Variants in SOX5 observed in about 807,000 individuals in gnomAD.
SOX5 encodes SRY-box transcription factor 5, also known as transcription factor SOX-5.
Under a neutral mutation model 92.0 loss-of-function variants are expected in SOX5, and 9 were observed. That is an observed-to-expected ratio of 0.10 (90% confidence interval 0.06 to 0.17). The LOEUF (loss-of-function observed/expected upper bound fraction) is 0.17. Ranked by LOEUF, SOX5 falls within the 10% of genes least tolerant of loss-of-function variation. SOX5 has a pLI of 1.00. For synonymous variants in SOX5, 344 were observed against 336.3 expected (o/e 1.02, Z -0.25); for missense variants, 642 against 944.5 (o/e 0.68, Z 4.20).
intron 6 of SOX5, among the ~76,000 whole-genome samples, chr12:23,723,604 TCA>T (rs1225711814): frequency 7.2e-6 from 1 of 139,732 alleles, no homozygotes; most frequent in Non-Finnish European, 1.6e-5. Context: ...ACACACGCAC[TCA>T]CACACACACA....
intron 1 of SOX5, among the ~76,000 whole-genome samples, chr12:24,545,342 C>A (rs1952522678): frequency 1.3e-5 from 2 of 152,132 alleles, no homozygotes; most frequent in African/African-American, 4.8e-5. Flanking sequence ...ATTTTCACAA[C>A]AGGAAGAAGT....
chr12:23,788,913 T>C (rs771057810), intron 3 of SOX5, among the ~76,000 whole-genome samples: 2 of 151,984 alleles, frequency 1.3e-5, no homozygotes, highest in Non-Finnish European at 2.9e-5. Flanking sequence ...CTGTGTTTAT[T>C]ATAGCTGAAG....
At chr12:24,313,654 C>T (rs991947045) in intron 2 of SOX5, among the ~76,000 whole-genome samples, 4 of 152,216 alleles carry the variant, frequency 2.6e-5, no homozygotes, top group African/African-American at 9.6e-5. Context: ...CTACTTTGTG[C>T]GTATTTCCAC....
chr12:23,847,953 A>G (rs1164169320), intron 2 of SOX5, among the ~76,000 whole-genome samples: 2 of 152,168 alleles, frequency 1.3e-5, no homozygotes, highest in Non-Finnish European at 2.9e-5. Flanking sequence ...AGAGCCCTAA[A>G]AAGAGCAATC....
chr12:24,010,206 A>G (rs1952755126), intron 4 of SOX5, among the ~76,000 whole-genome samples: 1 of 152,230 alleles, frequency 6.6e-6, no homozygotes, highest in African/African-American at 2.4e-5. Context: ...GAGTCAAGAT[A>G]AGCTTATTAA....
chr12:23,836,485 G>A (rs1293101836), intron 3 of SOX5, among the ~76,000 whole-genome samples: 1 of 151,906 alleles, frequency 6.6e-6, no homozygotes, highest in East Asian at 1.9e-4. Context: ...TTGAAAAATA[G>A]GCTGGCTAAA....
intron 6 of SOX5, among the ~76,000 whole-genome samples, chr12:23,683,500 T>G (rs1027741122): frequency 1.3e-5 from 2 of 151,870 alleles, no homozygotes; most frequent in Non-Finnish European, 2.9e-5. Flanking sequence ...TTTATTAATC[T>G]AAAACATGAT....
intron 2 of SOX5, among the ~76,000 whole-genome samples, chr12:24,308,826 G>A (rs1948879592): frequency 1.3e-5 from 2 of 152,184 alleles, no homozygotes; most frequent in Admixed American, 1.3e-4. Flanking sequence ...ATGGAAAATT[G>A]AGCATTGAGT....
At position 24,180,912 on chromosome 12, in the gene SOX5, A is replaced by G. The variant is rs188175841; in HGVS notation, c.-2+32431T>C. ...TCAACTCACCCATGGCTCACACAGGAGATGTGAATTTGTAGTTGAATTCGT... is the reference window on the plus strand; with the variant it reads ...TCAACTCACCCATGGCTCACACAGGGGATGTGAATTTGTAGTTGAATTCGT... On this transcript the variant is annotated intron_variant, in intron 4 of 4. Transcript: ENST00000446891. Among the ~76,000 whole-genome samples, 3 of 152,316 alleles carry G rather than the reference A, an allele frequency of 2.0e-5. No individual in the cohort carries two copies. The East Asian group carries it at 5.8e-4, about 29-fold the overall frequency.
At chr12:24,204,752 G>C (rs1295097969) in intron 4 of SOX5, among the ~76,000 whole-genome samples, 3 of 152,138 alleles carry the variant, frequency 2.0e-5, no homozygotes, top group South Asian at 2.1e-4. Flanking sequence ...CTCTCCCAAA[G>C]GCTTGTATCA....
intron 7 of SOX5, among the ~76,000 whole-genome samples, chr12:23,653,748 G>A (rs1313675302): frequency 1.3e-5 from 2 of 152,066 alleles, no homozygotes. Context: ...TTGCCCTCAT[G>A]ACCTAATCAC....
At chr12:24,112,891 C>T (rs963025814) in intron 4 of SOX5, among the ~76,000 whole-genome samples, 5 of 151,798 alleles carry the variant, frequency 3.3e-5, no homozygotes, top group South Asian at 2.1e-4. Context: ...ATGGAAATAA[C>T]GGTCTTTAGG....
chr12:24,227,971 C>T (rs2139891081), intron 3 of SOX5, among the ~76,000 whole-genome samples: 1 of 152,250 alleles, frequency 6.6e-6, no homozygotes, highest in Middle Eastern at 3.4e-3. Flanking sequence ...AAACTTATTT[C>T]ATGTTTAAAA....
chr12:24,428,755 A>AAAAAAAAAAAAAAC (rs1967046189), intron 1 of SOX5, among the ~76,000 whole-genome samples: 1 of 149,308 alleles, frequency 6.7e-6, no homozygotes, highest in African/African-American at 2.5e-5. Context: ...AAAAAAAAAA[A>AAAAAAAAAAAAAAC]AAAAGCTAAT....
chr12:23,783,622 T>C (rs1034695624), intron 3 of SOX5, among the ~76,000 whole-genome samples: 1 of 152,184 alleles, frequency 6.6e-6, no homozygotes, highest in Non-Finnish European at 1.5e-5. Flanking sequence ...ATAAAACTGT[T>C]GCAAATAAAG....
At chr12:24,296,437 A>C (rs1325400103) in intron 2 of SOX5, among the ~76,000 whole-genome samples, 2 of 152,224 alleles carry the variant, frequency 1.3e-5, no homozygotes, top group African/African-American at 2.4e-5. Flanking sequence ...CTTGGTGAAG[A>C]AGTGAGAACT....
At chr12:24,071,262 C>G (rs945028833) in intron 4 of SOX5, among the ~76,000 whole-genome samples, 2 of 151,912 alleles carry the variant, frequency 1.3e-5, no homozygotes, top group African/African-American at 4.8e-5. Context: ...AATATTAACC[C>G]CATTCTATCT....
At chr12:23,655,949 T>G (rs1181751555) in intron 7 of SOX5, among the ~76,000 whole-genome samples, 3 of 152,122 alleles carry the variant, frequency 2.0e-5, no homozygotes, top group Non-Finnish European at 4.4e-5. Flanking sequence ...AGTATATATT[T>G]AATGAATCAT....
At chr12:24,042,476 G>A in intron 4 of SOX5, among the ~76,000 whole-genome samples, 1 of 152,020 alleles carries the variant, frequency 6.6e-6, no homozygotes, top group Admixed American at 6.5e-5. Flanking sequence ...ATTTCTTCCT[G>A]ACCAAGTTTT....
Sources: gnomAD v4.1 joint callset for allele counts (sites outside exome capture counted in the v4.1 genomes callset) on GRCh38, gnomAD v4.1.1 for gene constraint, MANE v1.5 for transcripts, NCBI Gene and HGNC (gene_info 2026-07-23, HGNC 2026-07-21) for gene names.